The following RYR3 variants were observed in gnomAD, a reference collection of about 807,000 sequenced individuals.
RYR3 encodes the protein ryanodine receptor 3, also known as brain ryanodine receptor-calcium release channel.
A neutral mutation model predicts 584.3 loss-of-function variants in RYR3; 207 were observed. The observed-to-expected ratio is 0.35, with a 90% CI of 0.32 to 0.40. The LOEUF (loss-of-function observed/expected upper bound fraction) is 0.40, where lower values mean the gene tolerates loss of function less well. Ranked by LOEUF, RYR3 falls within the 10% of genes least tolerant of loss-of-function variation. The pLI, the probability that RYR3 is intolerant of heterozygous loss-of-function variation, is 1.00. For synonymous variants in RYR3, 2,416 were observed against 2,248.5 expected (o/e 1.07, Z -2.11); for missense variants, 5,616 against 6,089.2 (o/e 0.92, Z 2.59).
At chr15:33,482,621 G>A (rs1412326241) in intron 2 of RYR3, among the ~76,000 whole-genome samples, 2 of 152,170 alleles carry the variant, frequency 1.3e-5, no homozygotes, top group Non-Finnish European at 2.9e-5. Context: ...GTTTCACCAT[G>A]TTGGCCAGGC....
At chr15:33,778,847 G>A (rs1478976144) in intron 64 of RYR3, among the ~76,000 whole-genome samples, 1 of 152,232 alleles carries the variant, frequency 6.6e-6, no homozygotes, top group East Asian at 1.9e-4. Flanking sequence ...CTGAGGACCT[G>A]TCAATCCAGT....
chr15:33,759,159 C>T (rs933068651), intron 60 of RYR3, among the ~76,000 whole-genome samples: 2 of 152,158 alleles, frequency 1.3e-5, no homozygotes, highest in Admixed American at 1.3e-4. Flanking sequence ...CATCAAAGAT[C>T]GAAGGTAGAT....
At chr15:33,629,876 G>C in intron 21 of RYR3, 64 bp from the exon 22 acceptor site, 4 of 853,994 alleles carry the variant, frequency 4.7e-6, no homozygotes, top group Non-Finnish European at 7.5e-6. Flanking sequence ...GTTCTGTTCT[G>C]TTTTCCCATG....
At chr15:33,421,580 T>C (rs2044245940) in intron 1 of RYR3, among the ~76,000 whole-genome samples, 1 of 152,122 alleles carries the variant, frequency 6.6e-6, no homozygotes, top group Non-Finnish European at 1.5e-5. Context: ...TAAGGAATGC[T>C]GGCAGAGGAG....
At chr15:33,630,191 GATTTAGCAT>G (rs2061196422) in intron 22 of RYR3, 148 bp downstream of exon 22, 1 of 580,358 alleles carries the variant, frequency 1.7e-6, no homozygotes, top group Admixed American at 3.4e-5. Flanking sequence ...GTCACAAGAG[GATTTAGCAT>G]AACCATCCAC....
At chr15:33,651,181 A>G (rs146988497) in intron 31 of RYR3, among the ~76,000 whole-genome samples, 2 of 152,238 alleles carry the variant, frequency 1.3e-5, no homozygotes, top group South Asian at 2.1e-4. Flanking sequence ...TCTTTGTCCT[A>G]TGTAATAAGA....
chr15:33,807,754 T>C, intron 70 of RYR3, 185 bp downstream of exon 70: 1 of 630,482 alleles, frequency 1.6e-6, no homozygotes. Flanking sequence ...TACCCACCCT[T>C]GGAATGGGGA....
intron 4 of RYR3, among the ~76,000 whole-genome samples, chr15:33,531,645 A>ATT (rs201613526): frequency 2.9e-5 from 3 of 103,360 alleles, no homozygotes; most frequent in African/African-American, 2.9e-5. Context: ...ATATATATAT[A>ATT]TATTTTTTTT....
intron 1 of RYR3, among the ~76,000 whole-genome samples, chr15:33,324,770 G>A (rs551394012): frequency 5.9e-5 from 9 of 152,172 alleles, no homozygotes; most frequent in African/African-American, 2.2e-4. Flanking sequence ...TCAACTCTCT[G>A]CTAAGTTCCC....
In RYR3 at chr15:33,699,597, T is replaced by C. The variant is rs1447982951; in HGVS notation, c.6250-107T>C. On this transcript the variant is annotated intron_variant, in intron 40 of 103. Transcript: ENST00000634891. ...AAAAAAAATGGAAGGAGAAAGTTCA[T>C]TTTTCCAAGTGTTCACACTTTACCC... 5.0e-6 allele frequency: 5 copies of C among 994,636 alleles called. No individual in the cohort carries two copies. In the South Asian group the frequency reaches 5.9e-5, roughly 12 times the overall value. 61.6% of individuals were successfully genotyped at this position (994,636 alleles called of 1,614,324 possible).
At chr15:33,749,373 A>G (rs1451120738) in intron 55 of RYR3, among the ~76,000 whole-genome samples, 1 of 152,154 alleles carries the variant, frequency 6.6e-6, no homozygotes, top group Non-Finnish European at 1.5e-5. Context: ...CCTCCTGTAC[A>G]CACTGGTGGC....
chr15:33,661,891 T>C lies in RYR3; in HGVS notation c.4623-262T>C, dbSNP rs138361515. ...ATGTTTTCTGTTTGGGAATTTCGGA[T>C]TTTTTCCTAATAATGAAGACTTTCA... is the stretch of plus-strand genomic sequence containing the variant. On this transcript the variant is annotated intron_variant, in intron 34 of 103. Transcript: ENST00000634891. 2.4e-3 allele frequency among the ~76,000 whole-genome samples: 373 copies of C among 152,296 alleles called. 4 individuals are homozygous for C. Among genetic ancestry groups the C allele is most frequent in the African/African-American group, 8.1e-3 (336 of 41,552 alleles).
intron 19 of RYR3, among the ~76,000 whole-genome samples, chr15:33,616,577 C>T (rs1270342064): frequency 1.3e-5 from 2 of 152,140 alleles, no homozygotes; most frequent in African/African-American, 4.8e-5. Flanking sequence ...ATTTAGGAGG[C>T]ACAACTGCTG....
chr15:33,765,508 C>T (rs372033917), intron 60 of RYR3, among the ~76,000 whole-genome samples: 5 of 152,018 alleles, frequency 3.3e-5, no homozygotes, highest in African/African-American at 1.2e-4. Context: ...TAGCACACAC[C>T]TGTAGTCCCA....
At chr15:33,514,939 G>C (rs987219339) in intron 3 of RYR3, among the ~76,000 whole-genome samples, 10 of 152,072 alleles carry the variant, frequency 6.6e-5, no homozygotes, top group African/African-American at 2.4e-4. Context: ...GGGAGGCGGA[G>C]CTTGCAGTGA....
intron 3 of RYR3, among the ~76,000 whole-genome samples, chr15:33,518,807 C>T (rs559706718): frequency 3.9e-5 from 6 of 152,240 alleles, no homozygotes; most frequent in East Asian, 3.8e-4. Context: ...AGCAGCCATG[C>T]GAAAAGCACT....
chr15:33,530,632 A>G lies in RYR3; in HGVS notation c.320A>G (p.His107Arg), dbSNP rs777558938. 1.2e-5 allele frequency: 20 copies of G among 1,613,704 alleles called. No homozygotes were observed. The highest frequency in any genetic ancestry group is 1.5e-5 in the Non-Finnish European group (18 of 1,179,780). Residue 107 changes from histidine to arginine, a missense_variant, in exon 4 of 104, where the codon CAT becomes CGT. Coordinates refer to ENST00000634891, the MANE Select transcript of RYR3 (RefSeq NM_001036.6). ...GGGHRTLLYGHAVLLRHSFSG... is the reference protein window; with the variant it reads ...GGGHRTLLYGRAVLLRHSFSG... ...GGCCACAGGACCCTGTTATACGGCC[A>G]TGCAGTTCTCCTGAGGCACTCTTTC...
chr15:33,832,475 C>A (rs112642637), intron 86 of RYR3, among the ~76,000 whole-genome samples: 192 of 151,220 alleles, frequency 1.3e-3, no homozygotes, highest in African/African-American at 4.5e-3. Context: ...GCCAACATGG[C>A]GAAACCCCGT....
chr15:33,532,080 A>G (rs2054927134), intron 4 of RYR3, among the ~76,000 whole-genome samples: 1 of 152,174 alleles, frequency 6.6e-6, no homozygotes, highest in Non-Finnish European at 1.5e-5. Flanking sequence ...AGCTCTGGGA[A>G]TAAAGCCTAT....
Sources: allele counts gnomAD v4.1 joint callset (sites outside exome capture counted in the v4.1 genomes callset), GRCh38; gene constraint gnomAD v4.1.1; transcripts MANE v1.5; gene names NCBI Gene and HGNC (gene_info 2026-07-23, HGNC 2026-07-21).